CNTN5: variants seen among roughly 807,000 people sequenced by gnomAD.
CNTN5 encodes contactin-5.
Under a neutral mutation model 129.1 loss-of-function variants are expected in CNTN5, and 77 were observed. The observed-to-expected ratio is 0.60, with a 90% confidence interval of 0.50 to 0.72. CNTN5 has a LOEUF of 0.72. CNTN5 is among the 30% of genes least tolerant of loss of function. The pLI is 0.00. For synonymous variants in CNTN5, 509 were observed against 465.6 expected, an observed-to-expected ratio of 1.09 and a Z score of -1.20; for missense variants, 1,478 against 1,328.8, an observed-to-expected ratio of 1.11 and a Z score of -1.75.
At chr11:99,284,549 C>A (rs1258807798) in intron 1 of CNTN5, among the ~76,000 whole-genome samples, 1 of 149,440 alleles carries the variant, frequency 6.7e-6, no homozygotes, top group Non-Finnish European at 1.5e-5. Flanking sequence ...AGGAACTCAG[C>A]TTTCCTTTGA....
At chr11:99,531,606 G>A (rs867355597) in intron 2 of CNTN5, among the ~76,000 whole-genome samples, 1 of 152,120 alleles carries the variant, frequency 6.6e-6, no homozygotes. Context: ...GTGGTTTCAC[G>A]GGCCAGGCCC....
intron 1 of CNTN5, among the ~76,000 whole-genome samples, chr11:99,141,143 G>GT (rs887120718): frequency 2.0e-4 from 31 of 151,760 alleles, no homozygotes; most frequent in Non-Finnish European, 3.2e-4. Flanking sequence ...CTGGTTGGTA[G>GT]TTTTTTTTAT....
intron 3 of CNTN5, among the ~76,000 whole-genome samples, chr11:99,740,279 A>C (rs1024198028): frequency 1.3e-5 from 2 of 152,156 alleles, no homozygotes; most frequent in African/African-American, 4.8e-5. Flanking sequence ...AAAGGTAAGA[A>C]AAATTTGTAC....
intron 2 of CNTN5, among the ~76,000 whole-genome samples, chr11:99,406,809 G>C (rs1041174427): frequency 4.7e-4 from 71 of 152,154 alleles, no homozygotes; most frequent in Non-Finnish European, 4.4e-5. Flanking sequence ...TTCAAAGGCA[G>C]AGGAGCTTCA....
intron 2 of CNTN5, among the ~76,000 whole-genome samples, chr11:99,391,371 A>G (rs1292326166): frequency 1.3e-5 from 2 of 152,072 alleles, no homozygotes; most frequent in African/African-American, 2.4e-5. Flanking sequence ...AGCACTTAGC[A>G]TAGTGTGGAG....
intron 3 of CNTN5, among the ~76,000 whole-genome samples, chr11:99,817,273 T>A (rs560572505): frequency 2.6e-4 from 40 of 152,328 alleles, no homozygotes; most frequent in Non-Finnish European, 5.3e-4. Flanking sequence ...CAGCTTTGCG[T>A]TCACATTAAT....
intron 2 of CNTN5, among the ~76,000 whole-genome samples, chr11:99,480,593 A>G (rs183896106): frequency 6.2e-4 from 94 of 152,346 alleles, no homozygotes; most frequent in African/African-American, 2.1e-3. Flanking sequence ...TATTCTTGAG[A>G]TTCACTATAT....
intron 3 of CNTN5, among the ~76,000 whole-genome samples, chr11:99,660,878 A>T (rs1284473152): frequency 6.6e-6 from 1 of 151,934 alleles, no homozygotes; most frequent in Non-Finnish European, 1.5e-5. Flanking sequence ...AAAGTTTTCT[A>T]TATTAATATA....
chr11:99,163,861 T>C (rs1860738431), intron 1 of CNTN5, among the ~76,000 whole-genome samples: 1 of 152,240 alleles, frequency 6.6e-6, no homozygotes, highest in Admixed American at 6.5e-5. Context: ...AAGTAATTTA[T>C]TGTTATGACA....
chr11:99,618,460 T>A (rs1027379064), intron 3 of CNTN5, among the ~76,000 whole-genome samples: 2 of 152,168 alleles, frequency 1.3e-5, no homozygotes, highest in African/African-American at 4.8e-5. Flanking sequence ...GTACTAAGCT[T>A]CATCTTCTGT....
chr11:99,449,315 C>A (rs561821221), intron 2 of CNTN5, among the ~76,000 whole-genome samples: 6 of 152,230 alleles, frequency 3.9e-5, no homozygotes, highest in African/African-American at 1.4e-4. Flanking sequence ...AAATAAAAGC[C>A]ATTAGCTAAA....
chr11:99,968,516 A>G (rs1054755358), intron 8 of CNTN5, among the ~76,000 whole-genome samples: 2 of 152,004 alleles, frequency 1.3e-5, no homozygotes, highest in South Asian at 4.1e-4. Flanking sequence ...CAAAGCACAG[A>G]GAGAATGGAT....
At chr11:99,342,696 A>C (rs1211577766) in intron 2 of CNTN5, among the ~76,000 whole-genome samples, 2 of 151,002 alleles carry the variant, frequency 1.3e-5, no homozygotes, top group Non-Finnish European at 2.9e-5. Flanking sequence ...GTACCACTGC[A>C]CTCCAGCTTG....
At chr11:99,203,659 G>A (rs540077091) in intron 1 of CNTN5, among the ~76,000 whole-genome samples, 3 of 151,884 alleles carry the variant, frequency 2.0e-5, no homozygotes, top group South Asian at 4.2e-4. Context: ...GCGTGATCTC[G>A]GCTCACTGCA....
chr11:100,296,165 A>G (rs1398466766), intron 18 of CNTN5, among the ~76,000 whole-genome samples: 2 of 151,490 alleles, frequency 1.3e-5, no homozygotes, highest in African/African-American at 4.8e-5. Context: ...TGAGCAGAAA[A>G]TAAATTTAGA....
At chr11:100,293,791 T>C (rs1230878331) in intron 18 of CNTN5, among the ~76,000 whole-genome samples, 1 of 151,660 alleles carries the variant, frequency 6.6e-6, no homozygotes, top group Non-Finnish European at 1.5e-5. Context: ...TTATCTACCC[T>C]AATAAGAATA....
At chr11:99,335,277 T>A (rs192791689) in intron 2 of CNTN5, among the ~76,000 whole-genome samples, 77 of 152,252 alleles carry the variant, frequency 5.1e-4, no homozygotes, top group Non-Finnish European at 8.2e-4. Flanking sequence ...CTAAAGTCTC[T>A]GTTTTTTAGC....
At chr11:100,209,752 T>A (rs958361228) in intron 15 of CNTN5, among the ~76,000 whole-genome samples, 1 of 152,182 alleles carries the variant, frequency 6.6e-6, no homozygotes, top group Non-Finnish European at 1.5e-5. Context: ...TATTTATTAA[T>A]AAACTACTAT....
intron 2 of CNTN5, among the ~76,000 whole-genome samples, chr11:99,508,543 G>T (rs1413916486): frequency 6.6e-6 from 1 of 152,048 alleles, no homozygotes; most frequent in Admixed American, 6.5e-5. Flanking sequence ...TATCCACAGG[G>T]TTTGCGGAGC....
Sources: allele counts gnomAD v4.1 joint callset (sites outside exome capture counted in the v4.1 genomes callset), GRCh38; gene constraint gnomAD v4.1.1; transcripts MANE v1.5; gene names NCBI Gene and HGNC (gene_info 2026-07-23, HGNC 2026-07-21).